KANK1: variants seen among roughly 807,000 people sequenced by gnomAD.
The protein encoded by KANK1 is KN motif and ankyrin repeat domain-containing protein 1.
KANK1 carries 109 observed loss-of-function variants against 106.2 expected under a neutral mutation model. The observed-to-expected ratio is 1.03, with a 90% CI of 0.88 to 1.20. The LOEUF (loss-of-function observed/expected upper bound fraction) is 1.20. KANK1 is among the 50% of genes most tolerant of loss of function. The probability of loss-of-function intolerance (pLI) is 0.00; values close to 1 mark genes in which losing one functional copy is unlikely to be tolerated. For synonymous variants in KANK1, 873 were observed against 652.2 expected (o/e 1.34, Z -5.16); for missense variants, 2,399 against 1,710.7 (o/e 1.40, Z -7.10).
In KANK1 at chr9:713,097, G is replaced by T. The variant is rs773067801; in HGVS notation, c.2331G>T (p.Arg777Ser). Residue 777 changes from arginine to serine, a missense_variant, in exon 3 of 12, where the codon AGG becomes AGT. By Grantham distance (110) the Arg-to-Ser change is moderately radical. Transcript: ENST00000382297. Reference sequence around the variant, plus strand: ...ACTATCTGGTTGGTCTCAAAATGAGGACTATAGCTTGTGGGCCACCACAGT... The same window carrying T: ...ACTATCTGGTTGGTCTCAAAATGAGTACTATAGCTTGTGGGCCACCACAGT... ...NDNYLVGLKM[R>S]TIACGPPQLT... 1 of 1,611,086 alleles carries T rather than the reference G, an allele frequency of 6.2e-7. No homozygotes were observed. The highest frequency in any genetic ancestry group is 1.7e-5 in the Admixed American group (1 of 59,946).
intron 2 of KANK1, among the ~76,000 whole-genome samples, chr9:694,856 G>A (rs1179605229): frequency 6.6e-6 from 1 of 152,156 alleles, no homozygotes; most frequent in East Asian, 1.9e-4. Context: ...TGCTGAGTGG[G>A]ACGTGCAGAG....
intron 1 of KANK1, among the ~76,000 whole-genome samples, chr9:666,912 T>C (rs1366753407): frequency 6.7e-6 from 1 of 148,294 alleles, no homozygotes; most frequent in Non-Finnish European, 1.5e-5. Context: ...TTTTTTTTTT[T>C]TTTTTTTTTT....
In KANK1 at chr9:732,554, C is replaced by CCAGGGTGGAAGATGAAATGCAGGTT. The variant is rs1832606564; in HGVS notation, c.3185_3209dup (p.Glu1071GlyfsTer4). On this transcript the variant is annotated frameshift_variant, in exon 6 of 12. Coordinates refer to ENST00000382297, the MANE Select transcript of KANK1 (RefSeq NM_015158.5). LOFTEE classifies it high-confidence loss of function. ...GTTAATATTGAAGGTTTGAAGTCTG[C>CCAGGGTGGAAGATGAAATGCAGGTT]CAGGGTGGAAGATGAAATGCAGGTT... The CCAGGGTGGAAGATGAAATGCAGGTT allele has an allele frequency of 6.2e-7, 1 of 1,613,936 alleles. No individual in the cohort carries two copies. The highest frequency in any genetic ancestry group is 1.7e-5 in the Admixed American group (1 of 59,992).
chr9:501,604 G>A (rs955734515), upstream of KANK1, among the ~76,000 whole-genome samples: 26 of 132,740 alleles, frequency 2.0e-4, no homozygotes, highest in African/African-American at 8.4e-4. Flanking sequence ...ATTCGCCCAC[G>A]CACAGACATA....
chr9:485,981 C>T (rs2058288002), intron 3 of KANK1, among the ~76,000 whole-genome samples: 1 of 152,212 alleles, frequency 6.6e-6, no homozygotes, highest in Middle Eastern at 3.4e-3. Context: ...AGAGCTTCCC[C>T]TAGACTTCTT....
At chr9:693,589 A>T (rs1295563296) in intron 2 of KANK1, 1 of 985,386 alleles carries the variant, frequency 1.0e-6, no homozygotes, top group Non-Finnish European at 1.2e-6. Flanking sequence ...ACTGACGCCA[A>T]GAGTCCTGGA....
chr9:655,750 G>A (rs976687935), intron 1 of KANK1, among the ~76,000 whole-genome samples: 2 of 152,148 alleles, frequency 1.3e-5, no homozygotes, highest in Admixed American at 6.5e-5. Flanking sequence ...TGAGATTTCA[G>A]ATACCTTAGA....
At chr9:633,699 C>G (rs962362727) in intron 1 of KANK1, among the ~76,000 whole-genome samples, 1 of 152,194 alleles carries the variant, frequency 6.6e-6, no homozygotes, top group African/African-American at 2.4e-5. Context: ...GTCACCCAGG[C>G]TAGTGTGCAG....
chr9:711,515 C>G lies in KANK1; in HGVS notation c.749C>G (p.Thr250Ser), dbSNP rs746875772. 6.2e-7 allele frequency: 1 copy of G among 1,613,896 alleles called. No individual in the cohort carries two copies. Among genetic ancestry groups the G allele is most frequent in the Admixed American group, 1.7e-5 (1 of 59,990 alleles). The change falls in exon 3 of 12, where the codon ACC becomes AGC. Residue 250 changes from threonine to serine, a missense_variant. By Grantham distance (58) the Thr-to-Ser change is moderately conservative. Transcript: ENST00000382297. ...AGCCCCCTGAGCTCAGGGATCTCCACCCCAGTGACCAACGTGAGCCCCATG... is the reference window on the plus strand; with the variant it reads ...AGCCCCCTGAGCTCAGGGATCTCCAGCCCAGTGACCAACGTGAGCCCCATG... ...RHSPLSSGISTPVTNVSPMHL... is the reference protein window; with the variant it reads ...RHSPLSSGISSPVTNVSPMHL...
At chr9:559,669 A>G (rs1192797006) in intron 1 of KANK1, among the ~76,000 whole-genome samples, 2 of 152,256 alleles carry the variant, frequency 1.3e-5, no homozygotes, top group Admixed American at 6.5e-5. Context: ...GACGGAAAAG[A>G]CAAACAGATA....
intron 1 of KANK1, among the ~76,000 whole-genome samples, chr9:591,744 T>C (rs1239820067): frequency 1.3e-5 from 2 of 151,760 alleles, no homozygotes; most frequent in Non-Finnish European, 2.9e-5. Flanking sequence ...CTGCAACCTC[T>C]GCCTCCTGGG....
chr9:685,460 C>G (rs1818361422), intron 2 of KANK1: 1 of 152,134 alleles, frequency 6.6e-6, no homozygotes, highest in Non-Finnish European at 1.5e-5. Context: ...GAGAGCTGTG[C>G]TAAGGGACAA....
intron 1 of KANK1, among the ~76,000 whole-genome samples, chr9:543,864 A>G (rs2060765453): frequency 6.6e-6 from 1 of 152,120 alleles, no homozygotes; most frequent in Admixed American, 6.5e-5. Context: ...TCTGAATCCA[A>G]ATCCAGGGCT....
chr9:611,761 C>T (rs914558899), intron 1 of KANK1, among the ~76,000 whole-genome samples: 1 of 152,132 alleles, frequency 6.6e-6, no homozygotes, highest in African/African-American at 2.4e-5. Flanking sequence ...CTCTGTTGCC[C>T]AGGCTGGAGT....
chr9:646,680 GT>G (rs1483105340), intron 1 of KANK1, among the ~76,000 whole-genome samples: 1 of 146,342 alleles, frequency 6.8e-6, no homozygotes, highest in African/African-American at 2.6e-5. Context: ...GATCATTTTT[GT>G]TTTTTAAGTA....
chr9:592,395 T>C (rs571019219), intron 1 of KANK1, among the ~76,000 whole-genome samples: 2 of 151,968 alleles, frequency 1.3e-5, no homozygotes, highest in East Asian at 3.9e-4. Flanking sequence ...AAAGACTTTG[T>C]CATTACATCC....
intron 3 of KANK1, among the ~76,000 whole-genome samples, chr9:727,718 A>ATG (rs904174906): frequency 1.6e-4 from 19 of 118,980 alleles, no homozygotes; most frequent in Non-Finnish European, 1.7e-4. Flanking sequence ...GTGTGTGTGT[A>ATG]TGTGTGTGTG....
intron 1 of KANK1, among the ~76,000 whole-genome samples, chr9:584,136 G>A (rs1035193051): frequency 1.3e-5 from 2 of 152,118 alleles, no homozygotes. Flanking sequence ...GGTGACTTAA[G>A]TGCTTCAAGG....
intron 1 of KANK1, among the ~76,000 whole-genome samples, chr9:596,960 C>G (rs1826374617): frequency 6.6e-6 from 1 of 151,812 alleles, no homozygotes; most frequent in Non-Finnish European, 1.5e-5. Flanking sequence ...TATGAATTTA[C>G]AATTCTAGAT....
Sources: allele counts gnomAD v4.1 joint callset (sites outside exome capture counted in the v4.1 genomes callset), GRCh38; gene constraint gnomAD v4.1.1; transcripts MANE v1.5; gene names NCBI Gene and HGNC (gene_info 2026-07-23, HGNC 2026-07-21).